Variants in BCKDHB observed in about 807,000 individuals in gnomAD.
BCKDHB encodes 2-oxoisovalerate dehydrogenase subunit beta, mitochondrial.
In BCKDHB, 41 loss-of-function variants were observed where a neutral mutation model predicts 48.5. The ratio of observed to expected loss-of-function variants is 0.85; its 90% CI spans 0.66 to 1.10. BCKDHB has a LOEUF of 1.10. BCKDHB is among the 50% of genes least tolerant of loss of function. The pLI, the probability that BCKDHB is intolerant of heterozygous loss-of-function variation, is 0.00. For synonymous variants in BCKDHB, 201 were observed against 174.8 expected (o/e 1.15, Z -1.18); for missense variants, 496 against 494.2 (o/e 1.00, Z -0.03).
intron 9 of BCKDHB, among the ~76,000 whole-genome samples, chr6:80,315,179 C>T (rs552867156): frequency 6.6e-6 from 1 of 152,258 alleles, no homozygotes; most frequent in East Asian, 1.9e-4. Context: ...TGCTGGGGAT[C>T]CCGGGGCCAG....
At chr6:80,391,909 T>C in the BCKDHB span, among the ~76,000 whole-genome samples, 3 of 152,214 alleles carry the variant, frequency 2.0e-5, no homozygotes, top group East Asian at 5.8e-4. Flanking sequence ...TCCTTTTTTT[T>C]CTTTGTCCTT....
intron 5 of BCKDHB, among the ~76,000 whole-genome samples, chr6:80,170,646 T>C (rs539010280): frequency 4.4e-4 from 67 of 152,294 alleles, no homozygotes; most frequent in African/African-American, 1.6e-3. Flanking sequence ...ACACGTGTAC[T>C]TCCTACTGTC....
chr6:80,359,708 C>T, the BCKDHB span, among the ~76,000 whole-genome samples: 1 of 152,118 alleles, frequency 6.6e-6, no homozygotes, highest in Admixed American at 6.5e-5. Flanking sequence ...GATTCTCCTG[C>T]CTCAGCCTCC....
At chr6:80,307,987 A>G (rs754770082) in intron 9 of BCKDHB, 3 of 899,476 alleles carry the variant, frequency 3.3e-6, no homozygotes, top group Non-Finnish European at 4.0e-6. Flanking sequence ...ACTGCAAAGA[A>G]TTCTACAATC....
chr6:80,421,996 A>C, the BCKDHB span, among the ~76,000 whole-genome samples: 20 of 152,204 alleles, frequency 1.3e-4, no homozygotes, highest in Non-Finnish European at 2.4e-4. Flanking sequence ...ATAAGTTAGT[A>C]GCCAAGATCA....
chr6:80,158,070 T>C lies in BCKDHB; in HGVS notation c.344-9608T>C, dbSNP rs189044280. Among the ~76,000 whole-genome samples the C allele has an allele frequency of 7.2e-5, 11 of 152,338 alleles. No homozygotes were observed. In the East Asian group the frequency reaches 2.1e-3, roughly 29 times the overall value. ...GAGGTTGTAGTAGGCACTATTGGAC[T>C]ACTGATGAAATGAATGAGACAGTCT... On this transcript the variant is annotated intron_variant, in intron 3 of 9. Transcript: ENST00000320393.
At position 80,106,720 on chromosome 6, in the gene BCKDHB, C is replaced by G. The variant is rs1024423494; in HGVS notation, c.27C>G (p.Gly9=). ...TGGCGGTTGTAGCGGCGGCTGCCGGCTGGCTACTCAGGCTCAGGGCGGCAG... is the reference window on the plus strand; with the variant it reads ...TGGCGGTTGTAGCGGCGGCTGCCGGGTGGCTACTCAGGCTCAGGGCGGCAG... MAVVAAAA[G]WLLRLRAAGA... Residue 9 remains glycine (G), a synonymous_variant, in exon 1 of 10, where the codon GGC becomes GGG. Coordinates refer to ENST00000320393, the MANE Select transcript of BCKDHB (RefSeq NM_183050.4). 1.0e-5 allele frequency: 16 copies of G among 1,553,026 alleles called. No individual in the cohort carries two copies. The highest frequency in any genetic ancestry group is 1.4e-5 in the Non-Finnish European group (16 of 1,149,206).
rs398124562 is a variant in BCKDHB at position 80,343,671 on chromosome 6, G to A, written c.1046G>A (p.Cys349Tyr). ...SEISSTVQEE[C>Y]FLNLEAPISR... ...TCCTGACTCTGTCTGCAGGAGGAATGTTTCTTGAACCTAGAGGCTCCTATA... is the reference window on the plus strand; with the variant it reads ...TCCTGACTCTGTCTGCAGGAGGAATATTTCTTGAACCTAGAGGCTCCTATA... The change falls in exon 10 of 10, where the codon TGT becomes TAT. Residue 349 changes from cysteine (C) to tyrosine (Y), a missense_variant. Transcript: ENST00000320393. The A allele has an allele frequency of 1.9e-6, 3 of 1,614,012 alleles. No homozygotes were observed. The highest frequency in any genetic ancestry group is 2.2e-5 in the East Asian group (1 of 44,830).
chr6:80,326,803 T>A (rs1195520430), intron 9 of BCKDHB, among the ~76,000 whole-genome samples: 1 of 152,068 alleles, frequency 6.6e-6, no homozygotes, highest in Non-Finnish European at 1.5e-5. Context: ...GAGGCAGAAG[T>A]TGCTGTGAGC....
intron 3 of BCKDHB, among the ~76,000 whole-genome samples, chr6:80,146,496 A>G (rs1771494912): frequency 1.3e-5 from 2 of 152,156 alleles, no homozygotes; most frequent in Non-Finnish European, 2.9e-5. Context: ...CCACTAAAAT[A>G]TCAAGGGATC....
At chr6:80,129,937 T>G (rs1234659106) in intron 3 of BCKDHB, among the ~76,000 whole-genome samples, 1 of 152,194 alleles carries the variant, frequency 6.6e-6, no homozygotes, top group Non-Finnish European at 1.5e-5. Context: ...GACCAAATAT[T>G]AATAATTGGG....
chr6:80,280,564 C>T (rs60632324), intron 9 of BCKDHB, among the ~76,000 whole-genome samples: 36 of 152,138 alleles, frequency 2.4e-4, no homozygotes, highest in Non-Finnish European at 3.8e-4. Flanking sequence ...GTGGGCATTG[C>T]AGATCAAGTA....
the BCKDHB span, among the ~76,000 whole-genome samples, chr6:80,450,286 G>A: frequency 6.6e-6 from 1 of 152,272 alleles, no homozygotes; most frequent in South Asian, 2.1e-4. Flanking sequence ...TTGCTTTTTA[G>A]TGATATCCTG....
chr6:80,166,159 A>G (rs1412402859), intron 3 of BCKDHB, among the ~76,000 whole-genome samples: 2 of 152,162 alleles, frequency 1.3e-5, no homozygotes, highest in Admixed American at 1.3e-4. Context: ...ATGCCTTTAA[A>G]TAGTTGTTTG....
the BCKDHB span, among the ~76,000 whole-genome samples, chr6:80,450,684 T>G: frequency 6.6e-6 from 1 of 152,142 alleles, no homozygotes; most frequent in South Asian, 2.1e-4. Context: ...TGTTACAATC[T>G]CATGCACCTT....
intron 9 of BCKDHB, among the ~76,000 whole-genome samples, chr6:80,294,610 G>C (rs1006540933): frequency 2.0e-5 from 3 of 152,122 alleles, no homozygotes; most frequent in African/African-American, 7.2e-5. Context: ...CCTGGGGGAG[G>C]TCTATAAACG....
intron 8 of BCKDHB, among the ~76,000 whole-genome samples, chr6:80,235,139 C>G (rs997570960): frequency 6.6e-6 from 1 of 152,020 alleles, no homozygotes; most frequent in Non-Finnish European, 1.5e-5. Context: ...TTGTATATTT[C>G]AAAATAGCTA....
chr6:80,119,498 T>C (rs1386789010), intron 1 of BCKDHB, among the ~76,000 whole-genome samples: 1 of 152,086 alleles, frequency 6.6e-6, no homozygotes, highest in Non-Finnish European at 1.5e-5. Flanking sequence ...TTTTGTATTT[T>C]TGGTAGAGGA....
chr6:80,462,188 A>G, the BCKDHB span, among the ~76,000 whole-genome samples: 1 of 152,176 alleles, frequency 6.6e-6, no homozygotes, highest in African/African-American at 2.4e-5. Flanking sequence ...TGTTACTTCT[A>G]TGAGATCTGA....
Sources: allele counts gnomAD v4.1 joint callset (sites outside exome capture counted in the v4.1 genomes callset), GRCh38; gene constraint gnomAD v4.1.1; transcripts MANE v1.5; gene names NCBI Gene and HGNC (gene_info 2026-07-23, HGNC 2026-07-21).